FAM120C: variants seen among roughly 807,000 people sequenced by gnomAD.
FAM120C encodes family with sequence similarity 120 member C.
In FAM120C, 14 loss-of-function variants were observed where a neutral mutation model predicts 71.2. That is an observed-to-expected ratio of 0.20 (90% CI 0.13 to 0.31). The LOEUF (loss-of-function observed/expected upper bound fraction) is 0.31, where lower values mean the gene tolerates loss of function less well. Ranked by LOEUF, FAM120C falls within the 10% of genes least tolerant of loss-of-function variation. The pLI, the probability that FAM120C is intolerant of heterozygous loss-of-function variation, is 1.00. For missense variants in FAM120C, 500 were observed against 879.0 expected (o/e 0.57, Z 5.45); for synonymous variants, 354 against 353.2 (o/e 1.00, Z -0.03).
At chrX:54,116,504 A>G in intron 10 of FAM120C, 41 bp downstream of exon 10, 1 of 1,168,831 alleles carries the variant, frequency 8.6e-7, no homozygotes. Flanking sequence ...TAAAAAAAGT[A>G]AAAGAGAAAG....
At chrX:54,143,936 C>A (rs1372921288) in intron 4 of FAM120C, among the ~76,000 whole-genome samples, 2 of 112,035 alleles carry the variant, frequency 1.8e-5, no homozygotes, top group African/African-American at 6.5e-5. Context: ...CAAACCGAAT[C>A]CAGCAGCACA....
intron 10 of FAM120C, among the ~76,000 whole-genome samples, chrX:54,100,646 A>G (rs1433554252): frequency 8.9e-6 from 1 of 111,764 alleles, no homozygotes; most frequent in Admixed American, 9.6e-5. Flanking sequence ...GGTGACAGAG[A>G]CTCTGTCTTA....
At chrX:54,147,185 C>T (rs1035311945) in intron 4 of FAM120C, among the ~76,000 whole-genome samples, 2 of 110,290 alleles carry the variant, frequency 1.8e-5, no homozygotes, top group African/African-American at 3.3e-5. Flanking sequence ...GGTGTGGGGG[C>T]GCGTGCCTGT....
intron 10 of FAM120C, among the ~76,000 whole-genome samples, chrX:54,091,705 A>C (rs1193840607): frequency 8.9e-6 from 1 of 111,914 alleles, no homozygotes; most frequent in African/African-American, 3.2e-5. Flanking sequence ...CCATGACTGT[A>C]AAGATGAAAG....
At chrX:54,170,291 C>G (rs782110756) in intron 1 of FAM120C, among the ~76,000 whole-genome samples, 91 of 110,593 alleles carry the variant, frequency 8.2e-4, no homozygotes, top group Non-Finnish European at 1.3e-3. Context: ...CGCCCACCAC[C>G]ACGCCCAGCT....
chrX:54,108,636 C>T (rs1385546882), intron 10 of FAM120C, among the ~76,000 whole-genome samples: 3 of 110,924 alleles, frequency 2.7e-5, no homozygotes, highest in Non-Finnish European at 5.7e-5. Context: ...GATATAAAAA[C>T]GTAGTACATA....
chrX:54,106,185 C>G (rs1177185549), intron 10 of FAM120C, among the ~76,000 whole-genome samples: 1 of 111,835 alleles, frequency 8.9e-6, no homozygotes, highest in Non-Finnish European at 1.9e-5. Flanking sequence ...GTAACCAAAA[C>G]AGCATGGTAC....
rs782804754 is a variant in FAM120C at position 54,071,726 on chromosome X, A to G, written c.*1307T>C. On this transcript the variant is annotated 3_prime_UTR_variant, in exon 16 of 16. Coordinates refer to ENST00000375180, the MANE Select transcript of FAM120C (RefSeq NM_017848.6). The stretch of plus-strand genomic sequence containing the variant: ...GGGCTCTGTTCAAGATTAAGCTTGT[A>G]ACAACCCAAGAGTTTATTGTTCTGA... 1 of 111,920 alleles carries G rather than the reference A, an allele frequency of 8.9e-6. No homozygotes were observed. Among genetic ancestry groups the G allele is most frequent in the African/African-American group, 3.2e-5 (1 of 30,870 alleles). 9.2% of individuals were successfully genotyped at this position (111,920 alleles called of 1,213,427 possible).
At chrX:54,153,072 A>G (rs1285041721) in intron 3 of FAM120C, among the ~76,000 whole-genome samples, 1 of 111,465 alleles carries the variant, frequency 9.0e-6, no homozygotes, top group Non-Finnish European at 1.9e-5. Flanking sequence ...CTAGATGTAG[A>G]TAAGTGCTGT....
chrX:54,142,652 A>T (rs990667559), intron 4 of FAM120C, among the ~76,000 whole-genome samples: 3 of 112,077 alleles, frequency 2.7e-5, no homozygotes, highest in Non-Finnish European at 5.6e-5. Flanking sequence ...TGTAGACTCC[A>T]CCTCTGGGGG....
chrX:54,097,884 G>A (rs1401087633), intron 10 of FAM120C, among the ~76,000 whole-genome samples: 1 of 109,648 alleles, frequency 9.1e-6, no homozygotes, highest in Non-Finnish European at 1.9e-5. Flanking sequence ...CCGCTACCAC[G>A]CCCGGCTAAT....
intron 10 of FAM120C, among the ~76,000 whole-genome samples, chrX:54,110,497 T>C (rs2066931000): frequency 1.8e-5 from 2 of 110,990 alleles, no homozygotes; most frequent in Non-Finnish European, 3.8e-5. Flanking sequence ...AAATGGACAG[T>C]TATATGAAGT....
chrX:54,106,007 C>T (rs1557124804), intron 10 of FAM120C, among the ~76,000 whole-genome samples: 1 of 111,696 alleles, frequency 9.0e-6, no homozygotes, highest in Non-Finnish European at 1.9e-5. Flanking sequence ...AGATTCAATG[C>T]CATCCCCATC....
chrX:54,116,274 AAAG>A (rs781917761), intron 10 of FAM120C, among the ~76,000 whole-genome samples: 1 of 111,508 alleles, frequency 9.0e-6, no homozygotes, highest in African/African-American at 3.3e-5. Flanking sequence ...TGGGTGAATA[AAAG>A]AAGGAAATTG....
chrX:54,127,907 G>T (rs1350640423), intron 9 of FAM120C, among the ~76,000 whole-genome samples: 1 of 110,300 alleles, frequency 9.1e-6, no homozygotes, highest in African/African-American at 3.3e-5. Context: ...TATCTTTTTT[G>T]ATATAATGAT....
chrX:54,117,359 TAAAATAAAA>T (rs1557126742), intron 9 of FAM120C, among the ~76,000 whole-genome samples: 1 of 10,343 alleles, frequency 9.7e-5, no homozygotes, highest in African/African-American at 1.4e-4. Flanking sequence ...TCTCTAAAAA[TAAAATAAAA>T]TAAAATAAAA....
At chrX:54,166,620 A>G (rs182242488) in intron 1 of FAM120C, among the ~76,000 whole-genome samples, 6 of 112,402 alleles carry the variant, frequency 5.3e-5, no homozygotes, top group African/African-American at 1.3e-4. Flanking sequence ...ACACATAGAA[A>G]AATCACCAAG....
chrX:54,171,173 T>C (rs182225447), intron 1 of FAM120C, among the ~76,000 whole-genome samples: 122 of 111,553 alleles, frequency 1.1e-3, no homozygotes, highest in Admixed American at 2.5e-3. Context: ...GGCAGGAGGA[T>C]TGCTTGAGGC....
chrX:54,081,666 C>T (rs955784543), intron 13 of FAM120C, among the ~76,000 whole-genome samples: 3 of 106,341 alleles, frequency 2.8e-5, no homozygotes, highest in Admixed American at 1.0e-4. Context: ...CCCAGCCACT[C>T]GGGAGGCGGA....
Sources: allele counts gnomAD v4.1 joint callset (sites outside exome capture counted in the v4.1 genomes callset), GRCh38; gene constraint gnomAD v4.1.1; transcripts MANE v1.5; gene names NCBI Gene and HGNC (gene_info 2026-07-23, HGNC 2026-07-21).